Variants in STK3 observed in about 807,000 individuals in gnomAD.
The protein encoded by STK3 is serine/threonine-protein kinase 3.
STK3 carries 41 observed loss-of-function variants against 58.0 expected under a neutral mutation model. The observed-to-expected ratio is 0.71, with a 90% confidence interval of 0.55 to 0.92. The LOEUF (loss-of-function observed/expected upper bound fraction) is 0.92. Ranked by LOEUF, STK3 falls within the 40% of genes least tolerant of loss-of-function variation. The probability of loss-of-function intolerance (pLI) is 0.00; values close to 1 mark genes in which losing one functional copy is unlikely to be tolerated. For synonymous variants in STK3, 170 were observed against 191.0 expected (o/e 0.89, Z 0.91); for missense variants, 479 against 602.7 (o/e 0.79, Z 2.15).
chr8:98,691,926 C>A, intron 6 of STK3, among the ~76,000 whole-genome samples: 1 of 136,956 alleles, frequency 7.3e-6, no homozygotes. Flanking sequence ...AGCAAAACTC[C>A]GCCTCAAAAA....
chr8:98,803,548 C>T (rs1363922250), intron 1 of STK3, among the ~76,000 whole-genome samples: 6 of 145,368 alleles, frequency 4.1e-5, no homozygotes, highest in African/African-American at 1.5e-4. Flanking sequence ...GAGCCAAGAT[C>T]GCGCCACTGC....
At chr8:98,467,032 A>G (rs1820523218) in intron 10 of STK3, among the ~76,000 whole-genome samples, 1 of 152,154 alleles carries the variant, frequency 6.6e-6, no homozygotes, top group South Asian at 2.1e-4. Flanking sequence ...ATCAGTGTCT[A>G]TGCTAATATA....
intron 3 of STK3, among the ~76,000 whole-genome samples, chr8:98,850,197 A>G (rs765985419): frequency 2.0e-5 from 3 of 152,200 alleles, no homozygotes; most frequent in Non-Finnish European, 2.9e-5. Flanking sequence ...GATGGAGTCT[A>G]TGTTGCTCAG....
chr8:98,593,943 T>C (rs1382139832), intron 7 of STK3, among the ~76,000 whole-genome samples: 2 of 152,058 alleles, frequency 1.3e-5, no homozygotes, highest in East Asian at 3.9e-4. Flanking sequence ...TACACACATA[T>C]TAACTTTAAT....
intron 9 of STK3, among the ~76,000 whole-genome samples, chr8:98,535,753 G>A (rs1200739489): frequency 6.6e-6 from 1 of 152,150 alleles, no homozygotes; most frequent in Non-Finnish European, 1.5e-5. Flanking sequence ...AAGAGTAGCA[G>A]CATACACTGG....
intron 8 of STK3, among the ~76,000 whole-genome samples, chr8:98,550,718 G>C (rs1173673263): frequency 1.3e-5 from 2 of 152,034 alleles, no homozygotes; most frequent in Non-Finnish European, 2.9e-5. Context: ...TAACTTTCTA[G>C]AGTCAGACAG....
chr8:98,678,850 T>G (rs1823410715), intron 6 of STK3, among the ~76,000 whole-genome samples: 1 of 152,188 alleles, frequency 6.6e-6, no homozygotes, highest in Non-Finnish European at 1.5e-5. Flanking sequence ...TTTATTCCTT[T>G]CTATAGCAAA....
intron 3 of STK3, among the ~76,000 whole-genome samples, chr8:98,847,443 A>G (rs1313547692): frequency 6.6e-6 from 1 of 152,062 alleles, no homozygotes; most frequent in Non-Finnish European, 1.5e-5. Flanking sequence ...TTGAACCCGA[A>G]CCCACAGCCC....
At chr8:98,755,258 G>T (rs1376456309) in intron 3 of STK3, among the ~76,000 whole-genome samples, 1 of 152,176 alleles carries the variant, frequency 6.6e-6, no homozygotes, top group East Asian at 1.9e-4. Context: ...CAGATGTTCA[G>T]TATGCACTAG....
chr8:98,669,932 G>A (rs1018066272), intron 6 of STK3, among the ~76,000 whole-genome samples: 2 of 152,220 alleles, frequency 1.3e-5, no homozygotes, highest in Admixed American at 6.5e-5. Context: ...TCAGAAGGCT[G>A]TAGCTGCTAG....
chr8:98,538,159 C>A (rs1413004858), intron 9 of STK3, among the ~76,000 whole-genome samples: 3 of 152,054 alleles, frequency 2.0e-5, no homozygotes, highest in Non-Finnish European at 4.4e-5. Flanking sequence ...TGAAGATTAC[C>A]TAATTTGTTC....
At chr8:98,780,657 A>G (rs898019815) in intron 1 of STK3, among the ~76,000 whole-genome samples, 2 of 151,990 alleles carry the variant, frequency 1.3e-5, no homozygotes, top group African/African-American at 4.8e-5. Flanking sequence ...TAAGAAACAC[A>G]GGGGAAAAAA....
intron 3 of STK3, chr8:98,413,908 G>A (rs1818086010): frequency 2.3e-6 from 1 of 434,838 alleles, no homozygotes; most frequent in African/African-American, 2.0e-5. Context: ...TGGTTCACAG[G>A]GCCCTATATT....
chr8:98,849,559 G>A (rs1471406813), intron 3 of STK3, among the ~76,000 whole-genome samples: 2 of 152,182 alleles, frequency 1.3e-5, no homozygotes, highest in Non-Finnish European at 2.9e-5. Context: ...AAGTTTGGGA[G>A]ACCTGACTTC....
At chr8:98,653,203 G>C (rs890707120) in intron 6 of STK3, among the ~76,000 whole-genome samples, 9 of 152,136 alleles carry the variant, frequency 5.9e-5, no homozygotes, top group African/African-American at 1.9e-4. Flanking sequence ...CAACTACATG[G>C]AAACTGAACA....
rs553590053 is a variant in STK3 at position 98,481,076 on chromosome 8, G to A, written c.1318-25076C>T. On this transcript the variant is annotated intron_variant, in intron 10 of 10. Transcript: ENST00000419617. ...TTTGATATATTCTTGTTGGGGAGGT[G>A]TATCAGGATATTAACTGTATCTTTT... Among the ~76,000 whole-genome samples, 257 of 152,164 alleles carry A rather than the reference G, an allele frequency of 1.7e-3. 3 individuals are homozygous for A. Among genetic ancestry groups the A allele is most frequent in the African/African-American group, 5.8e-3 (240 of 41,500 alleles).
chr8:98,546,960 A>G (rs1023209894), intron 9 of STK3, among the ~76,000 whole-genome samples: 4 of 152,204 alleles, frequency 2.6e-5, no homozygotes, highest in African/African-American at 9.6e-5. Flanking sequence ...ACTTGAAGTT[A>G]TGGGTCAGAC....
chr8:98,453,747 G>T (rs1306785944), downstream of STK3, among the ~76,000 whole-genome samples: 1 of 152,180 alleles, frequency 6.6e-6, no homozygotes, highest in Admixed American at 6.5e-5. Context: ...TTAGCAAACT[G>T]AAGAGAAATC....
At chr8:98,872,121 T>C (rs1179344593) in intron 3 of STK3, among the ~76,000 whole-genome samples, 3 of 152,188 alleles carry the variant, frequency 2.0e-5, no homozygotes, top group Non-Finnish European at 4.4e-5. Flanking sequence ...TTGTCTTTGG[T>C]TCTGTTTATA....
Sources: allele counts gnomAD v4.1 joint callset (sites outside exome capture counted in the v4.1 genomes callset), GRCh38; gene constraint gnomAD v4.1.1; transcripts MANE v1.5; gene names NCBI Gene and HGNC (gene_info 2026-07-23, HGNC 2026-07-21).